The following ATF7 variants were observed in gnomAD, a reference collection of about 807,000 sequenced individuals.
The protein encoded by ATF7 is activating transcription factor 7.
Under a neutral mutation model 50.4 loss-of-function variants are expected in ATF7, and 10 were observed. The ratio of observed to expected loss-of-function variants is 0.20; its 90% CI spans 0.12 to 0.34. The LOEUF is 0.34. Among genes scored for constraint, ATF7 ranks in the 10% least tolerant of loss-of-function variants. ATF7 has a pLI of 1.00. For synonymous variants in ATF7, 201 were observed against 226.4 expected, an observed-to-expected ratio of 0.89 and a Z score of 1.01; for missense variants, 465 against 613.9, an observed-to-expected ratio of 0.76 and a Z score of 2.56.
intron 2 of ATF7, among the ~76,000 whole-genome samples, chr12:53,569,982 A>G (rs951600885): frequency 6.6e-6 from 1 of 152,070 alleles, no homozygotes; most frequent in Non-Finnish European, 1.5e-5. Flanking sequence ...TGGCCATTCA[A>G]ATATTTTTTA....
intron 1 of ATF7, among the ~76,000 whole-genome samples, chr12:53,601,650 G>A (rs1943412398): frequency 6.6e-6 from 1 of 152,198 alleles, no homozygotes; most frequent in African/African-American, 2.4e-5. Flanking sequence ...AAATGGAGAA[G>A]TATCGATGCC....
At chr12:53,517,493 C>T in intron 11 of ATF7, 139 bp from the exon 12 acceptor site, 1 of 812,922 alleles carries the variant, frequency 1.2e-6, no homozygotes, top group Non-Finnish European at 1.9e-6. Context: ...GGAAAACTTC[C>T]CAGAATCCTG....
chr12:53,518,426 T>C (rs1397018503), intron 11 of ATF7, among the ~76,000 whole-genome samples: 1 of 152,250 alleles, frequency 6.6e-6, no homozygotes, highest in Non-Finnish European at 1.5e-5. Flanking sequence ...CTGAGCTACA[T>C]ACAATGGTAA....
chr12:53,584,653 A>T (rs1040210175), intron 2 of ATF7, among the ~76,000 whole-genome samples: 2 of 152,256 alleles, frequency 1.3e-5, no homozygotes, highest in African/African-American at 4.8e-5. Context: ...GTCCTTCAGC[A>T]GGTGAATGGA....
chr12:53,553,244 T>C (rs1024675644), intron 2 of ATF7, among the ~76,000 whole-genome samples: 2 of 152,178 alleles, frequency 1.3e-5, no homozygotes, highest in Admixed American at 1.3e-4. Flanking sequence ...CCAGCAATAA[T>C]GGCACATACC....
At chr12:53,603,218 T>C (rs982868440) in intron 1 of ATF7, among the ~76,000 whole-genome samples, 2 of 152,162 alleles carry the variant, frequency 1.3e-5, no homozygotes, top group Non-Finnish European at 2.9e-5. Flanking sequence ...TGGGACAGTA[T>C]TGGCATAGGA....
At chr12:53,554,336 G>A (rs1940574607) in intron 2 of ATF7, among the ~76,000 whole-genome samples, 1 of 151,744 alleles carries the variant, frequency 6.6e-6, no homozygotes, top group Non-Finnish European at 1.5e-5. Flanking sequence ...TCACCATATT[G>A]GTCAGGGTGG....
intron 4 of ATF7, 71 bp from the exon 5 acceptor site, chr12:53,537,623 T>C: frequency 7.1e-6 from 11 of 1,543,978 alleles, no homozygotes; most frequent in Non-Finnish European, 9.7e-6. Context: ...ATTTTCCCAT[T>C]TCCAAGATAA....
chr12:53,577,936 A>G (rs931865915), intron 2 of ATF7, among the ~76,000 whole-genome samples: 9 of 152,126 alleles, frequency 5.9e-5, no homozygotes, highest in South Asian at 2.1e-4. Flanking sequence ...AAAGAGAAAG[A>G]GAAACATCTT....
intron 4 of ATF7, 32 bp downstream of exon 4, chr12:53,543,298 A>G (rs377524750): frequency 1.0e-5 from 16 of 1,557,960 alleles, no homozygotes; most frequent in Non-Finnish European, 1.4e-5. Flanking sequence ...TCTGAATACC[A>G]CCAGTTTTTT....
At chr12:53,518,536 C>A (rs1373279575) in intron 11 of ATF7, among the ~76,000 whole-genome samples, 1 of 152,236 alleles carries the variant, frequency 6.6e-6, no homozygotes, top group Non-Finnish European at 1.5e-5. Context: ...CAGCTCACAG[C>A]AGCCTTCAAC....
At chr12:53,576,557 G>A (rs1397567352) in intron 2 of ATF7, among the ~76,000 whole-genome samples, 2 of 152,180 alleles carry the variant, frequency 1.3e-5, no homozygotes, top group East Asian at 1.9e-4. Context: ...AGGACACAGA[G>A]CTCCTCTCCT....
At chr12:53,550,316 C>G (rs1940255377) in intron 3 of ATF7, among the ~76,000 whole-genome samples, 1 of 125,184 alleles carries the variant, frequency 8.0e-6, no homozygotes, top group Non-Finnish European at 1.7e-5. Context: ...AGAGTGAGAC[C>G]CTGTCTCAAA....
intron 2 of ATF7, among the ~76,000 whole-genome samples, chr12:53,584,937 A>G (rs187151550): frequency 2.1e-4 from 32 of 152,240 alleles, no homozygotes; most frequent in Non-Finnish European, 4.1e-4. Flanking sequence ...TAGGACAGTG[A>G]AACTATTCTG....
intron 2 of ATF7, among the ~76,000 whole-genome samples, chr12:53,581,777 G>A (rs952246283): frequency 2.0e-5 from 3 of 151,596 alleles, no homozygotes; most frequent in African/African-American, 7.3e-5. Context: ...TAGAAAACTA[G>A]GGGGAAAAAG....
intron 2 of ATF7, among the ~76,000 whole-genome samples, chr12:53,584,197 T>G (rs11835379): frequency 0.039 from 6,001 of 152,226 alleles, 363 homozygotes; most frequent in African/African-American, 0.13. Context: ...GGCCAGGCTC[T>G]TCTCGAACTC....
intron 9 of ATF7, among the ~76,000 whole-genome samples, chr12:53,529,734 C>CACACACACACACACACACACATATAT (rs1298379846): frequency 7.0e-6 from 1 of 143,530 alleles, no homozygotes; most frequent in African/African-American, 2.7e-5. Flanking sequence ...CACACACACA[C>CACACACACACACACACACACATATAT]ATATATATAT....
chr12:53,548,797 A>G (rs1424260576), intron 3 of ATF7, among the ~76,000 whole-genome samples: 2 of 152,162 alleles, frequency 1.3e-5, no homozygotes, highest in African/African-American at 4.8e-5. Context: ...AACTTGGGGA[A>G]CAAAGCTAGA....
intron 1 of ATF7, among the ~76,000 whole-genome samples, chr12:53,610,006 G>A (rs1470764159): frequency 5.3e-5 from 8 of 151,552 alleles, no homozygotes; most frequent in East Asian, 3.9e-4. Context: ...TAGTAGAGAC[G>A]GGGTTTCACC....
Sources: allele counts gnomAD v4.1 joint callset (sites outside exome capture counted in the v4.1 genomes callset), GRCh38; gene constraint gnomAD v4.1.1; transcripts MANE v1.5; gene names NCBI Gene and HGNC (gene_info 2026-07-23, HGNC 2026-07-21).